RNLS: variants seen among roughly 807,000 people sequenced by gnomAD.
The protein encoded by RNLS is renalase.
In RNLS, 39 loss-of-function variants were observed where a neutral mutation model predicts 39.8. The ratio of observed to expected loss-of-function variants is 0.98; its 90% CI spans 0.76 to 1.28. The LOEUF (loss-of-function observed/expected upper bound fraction) is 1.28. RNLS is among the 50% of genes most tolerant of loss of function. The probability of loss-of-function intolerance (pLI) is 0.00; values close to 1 mark genes in which losing one functional copy is unlikely to be tolerated. For synonymous variants in RNLS, 147 were observed against 150.7 expected, an observed-to-expected ratio of 0.98 and a Z score of 0.18; for missense variants, 410 against 413.3, an observed-to-expected ratio of 0.99 and a Z score of 0.07.
intron 4 of RNLS, among the ~76,000 whole-genome samples, chr10:88,419,813 T>A (rs1854280675): frequency 6.6e-6 from 1 of 151,898 alleles, no homozygotes; most frequent in African/African-American, 2.4e-5. Context: ...GAGACCAGCT[T>A]GGCCAGCATG....
chr10:88,233,652 A>G, the RNLS span, among the ~76,000 whole-genome samples: 1 of 152,212 alleles, frequency 6.6e-6, no homozygotes, highest in Non-Finnish European at 1.5e-5. Context: ...TTCAAATTCA[A>G]ATGGGTGTCC....
intron 4 of RNLS, among the ~76,000 whole-genome samples, chr10:88,375,642 C>G (rs1850931509): frequency 6.6e-6 from 1 of 152,146 alleles, no homozygotes; most frequent in African/African-American, 2.4e-5. Flanking sequence ...CTGATTTACA[C>G]TCTGGTTTCT....
chr10:88,498,186 C>T (rs933902762), intron 4 of RNLS, among the ~76,000 whole-genome samples: 1 of 151,630 alleles, frequency 6.6e-6, no homozygotes, highest in Non-Finnish European at 1.5e-5. Context: ...TTAACATCGC[C>T]AAGTTAACAT....
intron 6 of RNLS, among the ~76,000 whole-genome samples, chr10:88,302,382 G>A (rs1360441964): frequency 6.6e-6 from 1 of 152,144 alleles, no homozygotes; most frequent in African/African-American, 2.4e-5. Flanking sequence ...GTCTTTCAAA[G>A]TACTTATCTT....
At chr10:88,473,225 G>A (rs1166112384) in intron 4 of RNLS, among the ~76,000 whole-genome samples, 1 of 152,136 alleles carries the variant, frequency 6.6e-6, no homozygotes, top group Non-Finnish European at 1.5e-5. Context: ...TATGTGATCT[G>A]GTGTTGACTG....
chr10:88,245,343 A>C, the RNLS span, among the ~76,000 whole-genome samples: 2 of 152,164 alleles, frequency 1.3e-5, no homozygotes, highest in Non-Finnish European at 2.9e-5. Context: ...TACGTTATTA[A>C]GGCGCTGGCA....
intron 5 of RNLS, 42 bp downstream of exon 5, chr10:88,362,510 A>G: frequency 1.3e-6 from 2 of 1,570,716 alleles, no homozygotes; most frequent in Non-Finnish European, 1.7e-6. Flanking sequence ...ATCTACACCC[A>G]CCATTGTTGC....
At chr10:88,238,017 T>C in the RNLS span, among the ~76,000 whole-genome samples, 416 of 152,308 alleles carry the variant, frequency 2.7e-3, 2 homozygotes, top group Non-Finnish European at 4.5e-3. Context: ...ACTCATTTTC[T>C]AAAACATGTC....
chr10:88,299,061 G>A (rs1589490177), intron 6 of RNLS, among the ~76,000 whole-genome samples: 1 of 152,190 alleles, frequency 6.6e-6, no homozygotes, highest in South Asian at 2.1e-4. Flanking sequence ...CTTTAGTGAA[G>A]TACTCTTTTA....
intron 4 of RNLS, among the ~76,000 whole-genome samples, chr10:88,519,755 T>G (rs113040391): frequency 6.9e-6 from 1 of 144,610 alleles, no homozygotes; most frequent in African/African-American, 2.5e-5. Flanking sequence ...ATATATATCA[T>G]ATATAGATGA....
chr10:88,285,280 AAAC>A lies in RNLS; in HGVS notation c.*71_*73del. The A allele has an allele frequency of 7.0e-7, 1 of 1,436,252 alleles. No homozygotes were observed. Among genetic ancestry groups the A allele is most frequent in the Non-Finnish European group, 9.2e-7 (1 of 1,086,874 alleles). The allele number at this position is 1,436,252 out of a possible 1,614,324, so 89.0% of individuals were successfully genotyped here. On this transcript the variant is annotated 3_prime_UTR_variant, in exon 7 of 7. Transcript: ENST00000331772. ...CAGTAATTTTTCTTAGCAAAATAGA[AAAC>A]AAAATAATCAATAACAGAAAATTGT...
chr10:88,567,860 T>C lies in RNLS; in HGVS notation c.526+5043A>G, dbSNP rs575760260. On this transcript the variant is annotated intron_variant, in intron 4 of 6. Transcript: ENST00000331772. The stretch of plus-strand genomic sequence containing the variant: ...TCTAAGATCTATAAAACATATTTAT[T>C]ACCAGTTTTCTTTCTATTAGTGGCA... 2.6e-5 allele frequency among the ~76,000 whole-genome samples: 4 copies of C among 152,362 alleles called. No homozygotes were observed. The South Asian group carries it at 8.3e-4, about 32-fold the overall frequency.
chr10:88,380,469 G>A (rs866350193), intron 4 of RNLS, among the ~76,000 whole-genome samples: 6 of 146,198 alleles, frequency 4.1e-5, no homozygotes, highest in Non-Finnish European at 7.4e-5. Flanking sequence ...TCTGCCTCCC[G>A]GGTTCATGCT....
intron 4 of RNLS, among the ~76,000 whole-genome samples, chr10:88,437,794 G>A (rs1216553676): frequency 1.3e-5 from 2 of 152,102 alleles, no homozygotes; most frequent in African/African-American, 4.8e-5. Context: ...GGGAAAATCT[G>A]CTGGGTGCTT....
the RNLS span, among the ~76,000 whole-genome samples, chr10:88,207,562 C>A: frequency 6.6e-6 from 1 of 152,122 alleles, no homozygotes; most frequent in Non-Finnish European, 1.5e-5. Context: ...AAATGGGACT[C>A]TCACACATTG....
chr10:88,546,823 A>G (rs921529971), intron 4 of RNLS, among the ~76,000 whole-genome samples: 1 of 152,166 alleles, frequency 6.6e-6, no homozygotes, highest in Non-Finnish European at 1.5e-5. Context: ...TTTCTGGATA[A>G]TAAGTGTTAG....
At chr10:88,480,015 A>T (rs1844063530) in intron 4 of RNLS, among the ~76,000 whole-genome samples, 1 of 152,088 alleles carries the variant, frequency 6.6e-6, no homozygotes, top group Admixed American at 6.5e-5. Context: ...TTTCTGTGAA[A>T]CTTAAACTTA....
At chr10:88,189,178 G>A in the RNLS span, among the ~76,000 whole-genome samples, 1 of 152,178 alleles carries the variant, frequency 6.6e-6, no homozygotes, top group South Asian at 2.1e-4. Flanking sequence ...AAATAAATGT[G>A]TGGGTATGTA....
chr10:88,174,922 G>A, the RNLS span, among the ~76,000 whole-genome samples: 1 of 152,128 alleles, frequency 6.6e-6, no homozygotes, highest in East Asian at 1.9e-4. Flanking sequence ...TCTTATTAAT[G>A]ATTCAATCTT....
Sources: gnomAD v4.1 joint callset for allele counts (sites outside exome capture counted in the v4.1 genomes callset) on GRCh38, gnomAD v4.1.1 for gene constraint, MANE v1.5 for transcripts, NCBI Gene and HGNC (gene_info 2026-07-23, HGNC 2026-07-21) for gene names.